Variants in FHIT observed in about 807,000 individuals in gnomAD.
FHIT encodes the protein bis(5'-adenosyl)-triphosphatase.
FHIT carries 19 observed loss-of-function variants against 17.9 expected under a neutral mutation model. The ratio of observed to expected loss-of-function variants is 1.06; its 90% CI spans 0.74 to 1.56. The LOEUF is 1.56. FHIT is among the 40% of genes most tolerant of loss of function. FHIT has a pLI of 0.00. For synonymous variants in FHIT, 81 were observed against 69.7 expected, an observed-to-expected ratio of 1.16 and a Z score of -0.81; for missense variants, 248 against 189.2, an observed-to-expected ratio of 1.31 and a Z score of -1.82.
At chr3:60,711,619 G>C (rs532600251) in intron 4 of FHIT, among the ~76,000 whole-genome samples, 2 of 152,194 alleles carry the variant, frequency 1.3e-5, no homozygotes, top group Non-Finnish European at 2.9e-5. Context: ...CGAGAACTAC[G>C]TGAAGAATGC....
At chr3:60,037,601 C>T (rs947578590) in intron 5 of FHIT, among the ~76,000 whole-genome samples, 3 of 151,794 alleles carry the variant, frequency 2.0e-5, no homozygotes, top group East Asian at 1.9e-4. Flanking sequence ...AGCCTGGTCT[C>T]GAACTCCTAA....
rs111992687 is a variant in FHIT, at chr3:60,652,230, G to A, written c.-17-115251C>T. On this transcript the variant is annotated intron_variant, in intron 4 of 9. Transcript: ENST00000492590. Reference sequence around the variant, plus strand: ...ACCCTTCCTCCTGGCTCTCCATGTGGACTAGCCTGAGGCCAAGCACCAGCT... The same window carrying A: ...ACCCTTCCTCCTGGCTCTCCATGTGAACTAGCCTGAGGCCAAGCACCAGCT... Among the ~76,000 whole-genome samples the A allele has an allele frequency of 2.0e-3, 302 of 152,282 alleles. 1 individual carries two copies. The highest frequency in any genetic ancestry group is 7.1e-3 in the African/African-American group (295 of 41,560).
intron 3 of FHIT, among the ~76,000 whole-genome samples, chr3:60,865,887 C>T (rs1704136975): frequency 6.6e-6 from 1 of 152,088 alleles, no homozygotes; most frequent in Non-Finnish European, 1.5e-5. Flanking sequence ...TTAAATTTTC[C>T]ACAGATGGGG....
chr3:61,067,507 G>C (rs1160649414), intron 2 of FHIT, among the ~76,000 whole-genome samples: 1 of 116,622 alleles, frequency 8.6e-6, no homozygotes, highest in Non-Finnish European at 2.1e-5. Flanking sequence ...CCTGAGCCTT[G>C]GTGTCCATGA....
rs147269777 is a variant in FHIT, at chr3:60,738,111, C to A, written c.-18+83808G>T. ...ATCAGAAGGCAGCAAGGAATCCGAC[C>A]GGGAGAGGAAAGGGAGGAGGAGAAC... On this transcript the variant is annotated intron_variant, in intron 4 of 9. Transcript: ENST00000492590. Among the ~76,000 whole-genome samples the A allele has an allele frequency of 9.0e-4, 137 of 152,054 alleles. 1 individual carries two copies. Among genetic ancestry groups the A allele is most frequent in the East Asian group, 4.6e-3 (24 of 5,170 alleles).
At chr3:60,305,887 T>C (rs1268527825) in intron 5 of FHIT, among the ~76,000 whole-genome samples, 1 of 152,150 alleles carries the variant, frequency 6.6e-6, no homozygotes, top group Non-Finnish European at 1.5e-5. Flanking sequence ...AAGACGGTTT[T>C]TGAATTTGGA....
At chr3:60,732,664 GGCAGCGTCT>G (rs2042054459) in intron 4 of FHIT, 1 of 395,042 alleles carries the variant, frequency 2.5e-6, no homozygotes, top group Non-Finnish European at 4.9e-6. Context: ...TCCCGGCAGT[GGCAGCGTCT>G]GCAAAGACTG....
chr3:60,130,512 G>A (rs1229464196), intron 5 of FHIT, among the ~76,000 whole-genome samples: 1 of 152,014 alleles, frequency 6.6e-6, no homozygotes, highest in Non-Finnish European at 1.5e-5. Flanking sequence ...AACTCAGACG[G>A]CATGACTCTC....
intron 7 of FHIT, among the ~76,000 whole-genome samples, chr3:59,992,135 C>A (rs1223173116): frequency 3.3e-5 from 5 of 151,870 alleles, no homozygotes; most frequent in African/African-American, 1.2e-4. Flanking sequence ...GAATATAGAA[C>A]ATGAAGCCCA....
At chr3:61,225,172 A>C (rs2039938260) in intron 1 of FHIT, among the ~76,000 whole-genome samples, 1 of 152,242 alleles carries the variant, frequency 6.6e-6, no homozygotes, top group Non-Finnish European at 1.5e-5. Context: ...TTTTGGCAAC[A>C]GTCAAAATAT....
chr3:60,588,345 GAACA>G (rs782711678), intron 4 of FHIT, among the ~76,000 whole-genome samples: 18 of 151,918 alleles, frequency 1.2e-4, no homozygotes, highest in Non-Finnish European at 2.5e-4. Flanking sequence ...AATAAAGGAA[GAACA>G]AACAGTCAAA....
At chr3:60,710,384 C>T (rs557822009) in intron 4 of FHIT, among the ~76,000 whole-genome samples, 1 of 152,306 alleles carries the variant, frequency 6.6e-6, no homozygotes, top group Admixed American at 6.5e-5. Flanking sequence ...TCTGAGGTAC[C>T]CGGTTCATCT....
chr3:59,989,784 A>T (rs1265754180), intron 7 of FHIT, among the ~76,000 whole-genome samples: 3 of 152,020 alleles, frequency 2.0e-5, no homozygotes, highest in Admixed American at 6.6e-5. Context: ...GATTGATTGT[A>T]AACAAATTGT....
At chr3:61,012,938 T>G (rs1575836946) in intron 3 of FHIT, among the ~76,000 whole-genome samples, 1 of 152,100 alleles carries the variant, frequency 6.6e-6, no homozygotes, top group East Asian at 1.9e-4. Flanking sequence ...AAAGGAATGG[T>G]GCACAATTTT....
Position 60,173,915 on chromosome 3 carries a change from A to ATATATATATATATATTTTTTT in FHIT, c.104-159764_104-159763insAAAAAAATATATATATATATA. Among the ~76,000 whole-genome samples the ATATATATATATATATTTTTTT allele has an allele frequency of 2.3e-4, 15 of 66,426 alleles. 1 individual carries two copies. The highest frequency in any genetic ancestry group is 8.0e-4 in the East Asian group (1 of 1,256). 43.6% of individuals were successfully genotyped at this position (66,426 alleles called of 152,430 possible). On this transcript the variant is annotated intron_variant, in intron 5 of 9. Transcript: ENST00000492590. ...TATATATATATATATATATATATAT[A>ATATATATATATATATTTTTTT]TGTTTTTTTTTTTTTTTGAGATCGA...
At chr3:60,451,084 A>C (rs1012080610) in intron 5 of FHIT, among the ~76,000 whole-genome samples, 19 of 152,194 alleles carry the variant, frequency 1.2e-4, no homozygotes, top group Non-Finnish European at 2.8e-4. Context: ...CATAGTTTGA[A>C]TTAAACATCG....
chr3:60,500,462 C>T (rs1043581194), intron 5 of FHIT, among the ~76,000 whole-genome samples: 3 of 152,068 alleles, frequency 2.0e-5, no homozygotes, highest in Admixed American at 1.3e-4. Flanking sequence ...GTAAGCATCA[C>T]CTAGCAAGAG....
intron 7 of FHIT, among the ~76,000 whole-genome samples, chr3:59,999,764 C>A (rs528461183): frequency 1.3e-5 from 2 of 152,180 alleles, no homozygotes; most frequent in East Asian, 3.9e-4. Context: ...TGTGCCACCA[C>A]ACCTGGCTAA....
intron 1 of FHIT, among the ~76,000 whole-genome samples, chr3:61,246,542 G>A (rs1033981053): frequency 2.6e-5 from 4 of 152,058 alleles, no homozygotes; most frequent in Admixed American, 6.6e-5. Flanking sequence ...GCAGGTAACC[G>A]GACTCTGCAT....
Sources: allele counts gnomAD v4.1 joint callset (sites outside exome capture counted in the v4.1 genomes callset), GRCh38; gene constraint gnomAD v4.1.1; transcripts MANE v1.5; gene names NCBI Gene and HGNC (gene_info 2026-07-23, HGNC 2026-07-21).